The following ADCY1 variants were observed in gnomAD, a reference collection of about 807,000 sequenced individuals.
ADCY1 encodes adenylate cyclase 1.
A neutral mutation model predicts 105.4 loss-of-function variants in ADCY1; 28 were observed. That is an observed-to-expected ratio of 0.27 (90% CI 0.20 to 0.36). The LOEUF (loss-of-function observed/expected upper bound fraction) is 0.36, where lower values mean the gene tolerates loss of function less well. Among genes scored for constraint, ADCY1 ranks in the 10% least tolerant of loss-of-function variants. The pLI is 1.00. For missense variants in ADCY1, 977 were observed against 1,434.2 expected, an observed-to-expected ratio of 0.68 and a Z score of 5.15; for synonymous variants, 655 against 623.8, an observed-to-expected ratio of 1.05 and a Z score of -0.75.
intron 4 of ADCY1, among the ~76,000 whole-genome samples, chr7:45,633,578 C>T (rs866870364): frequency 1.2e-3 from 178 of 152,132 alleles, no homozygotes; most frequent in African/African-American, 4.1e-3. Context: ...CCAAGGCGGG[C>T]GGATCACGAG....
Position 45,575,904 on chromosome 7 carries a change from C to T in ADCY1, c.639+722C>T, listed in dbSNP as rs1009823727. On this transcript the variant is annotated intron_variant, in intron 1 of 19. Transcript: ENST00000297323. The surrounding 1 kb of genome is among the most constrained non-coding windows in gnomAD (Gnocchi z 4.7). ...GGACGGGGACGCTGTCTGCCTCCCG[C>T]GGACTCTTCCTGGGCCCTGGAGGAG... Among the ~76,000 whole-genome samples, 1 of 152,266 alleles carries T rather than the reference C, an allele frequency of 6.6e-6. No homozygotes were observed. The highest frequency in any genetic ancestry group is 2.4e-5 in the African/African-American group (1 of 41,476).
At chr7:45,621,643 C>A (rs1428877209) in intron 3 of ADCY1, among the ~76,000 whole-genome samples, 1 of 152,146 alleles carries the variant, frequency 6.6e-6, no homozygotes, top group Non-Finnish European at 1.5e-5. Context: ...CAATTCTGAA[C>A]CCTACTTCCC....
chr7:45,707,339 ATAT>A (rs1324448194), intron 17 of ADCY1, among the ~76,000 whole-genome samples: 1 of 152,230 alleles, frequency 6.6e-6, no homozygotes, highest in Non-Finnish European at 1.5e-5. Context: ...ATAAGGTAGA[ATAT>A]TATTAAGTGA....
chr7:45,708,400 T>C lies in ADCY1; in HGVS notation c.2868T>C (p.Ile956=). ...TGAGCACGCTGGCGGACTTTGCCAT[T>C]GAGATGTTTGACGTTCTGGATGAAA... ...SHLSTLADFA[I]EMFDVLDEIN... is the part of the protein sequence containing the mutation. The change falls in exon 18 of 20, where the codon ATT becomes ATC. Residue 956 remains isoleucine (I), a synonymous_variant. Transcript: ENST00000297323. This position sits in a 1 kb window ranked among gnomAD's most constrained non-coding sequence, Gnocchi z 4.7. The C allele has an allele frequency of 6.3e-7, 1 of 1,596,906 alleles. No individual in the cohort carries two copies. Among genetic ancestry groups the C allele is most frequent in the Non-Finnish European group, 8.6e-7 (1 of 1,165,484 alleles).
intron 2 of ADCY1, among the ~76,000 whole-genome samples, chr7:45,596,961 G>T (rs1412574159): frequency 6.6e-6 from 1 of 152,144 alleles, no homozygotes; most frequent in Non-Finnish European, 1.5e-5. Flanking sequence ...TCTTCCTGGG[G>T]GATGAATGCA....
At chr7:45,579,997 G>T (rs1170155064) in intron 1 of ADCY1, among the ~76,000 whole-genome samples, 2 of 150,654 alleles carry the variant, frequency 1.3e-5, no homozygotes, top group Middle Eastern at 6.9e-3. Context: ...TCTCGTAGGG[G>T]TGGGTGGTCC....
Position 45,647,468 on chromosome 7 carries a change from A to G in ADCY1, c.1021-1202A>G, listed in dbSNP as rs988561905. ...AAGAAACCAAAGGATCACATTAAAT[A>G]TAAGCCACCGATGTGTTCTCAGAGT... On this transcript the variant is annotated intron_variant, in intron 4 of 19. Coordinates refer to ENST00000297323, the MANE Select transcript of ADCY1 (RefSeq NM_021116.4). This position sits in a 1 kb window ranked among gnomAD's most constrained non-coding sequence, Gnocchi z 4.6. Among the ~76,000 whole-genome samples the G allele has an allele frequency of 6.6e-6, 1 of 152,254 alleles. No homozygotes were observed. Among genetic ancestry groups the G allele is most frequent in the African/African-American group, 2.4e-5 (1 of 41,476 alleles).
At chr7:45,577,127 C>G (rs1792372907) in intron 1 of ADCY1, among the ~76,000 whole-genome samples, 1 of 152,152 alleles carries the variant, frequency 6.6e-6, no homozygotes, top group Non-Finnish European at 1.5e-5. Context: ...TCTTAGGGAG[C>G]AGACATCTGG....
chr7:45,675,550 G>A (rs1361493997), intron 8 of ADCY1, among the ~76,000 whole-genome samples: 1 of 150,940 alleles, frequency 6.6e-6, no homozygotes, highest in Non-Finnish European at 1.5e-5. Flanking sequence ...TCTTCTTTAG[G>A]TTGATTATAA....
chr7:45,599,254 T>C (rs17489793), intron 2 of ADCY1, among the ~76,000 whole-genome samples: 9,623 of 152,080 alleles, frequency 0.063, 309 homozygotes, highest in Non-Finnish European at 0.068. Flanking sequence ...GCATCTCTTC[T>C]GAGGACCGTC....
chr7:45,592,709 G>A (rs749928042), intron 1 of ADCY1, 50 bp from the exon 2 acceptor site: 4 of 1,611,148 alleles, frequency 2.5e-6, no homozygotes, highest in Non-Finnish European at 2.5e-6. Context: ...GGCCCTCTTT[G>A]TGTGTGTGGG....
intron 4 of ADCY1, among the ~76,000 whole-genome samples, chr7:45,638,662 A>G (rs1181947564): frequency 1.3e-5 from 2 of 152,124 alleles, no homozygotes; most frequent in African/African-American, 4.8e-5. Context: ...TTGGACATGC[A>G]GGTGGCCCCT....
intron 3 of ADCY1, 81 bp from the exon 4 acceptor site, chr7:45,622,551 G>A (rs1793931130): frequency 9.2e-6 from 9 of 981,128 alleles, no homozygotes; most frequent in Non-Finnish European, 1.3e-5. Flanking sequence ...GTGATTTGGA[G>A]ATGTAAACAT....
intron 19 of ADCY1, among the ~76,000 whole-genome samples, chr7:45,713,239 A>C (rs376947658): frequency 1.2e-4 from 18 of 152,134 alleles, no homozygotes; most frequent in East Asian, 1.2e-3. Context: ...TAGCATCTGG[A>C]GCTGGGTCCC....
At chr7:45,616,741 C>T (rs1245264806) in intron 3 of ADCY1, among the ~76,000 whole-genome samples, 2 of 152,226 alleles carry the variant, frequency 1.3e-5, no homozygotes, top group East Asian at 1.9e-4. Flanking sequence ...AGCCTTCCCT[C>T]TAAAATCAGG....
intron 8 of ADCY1, among the ~76,000 whole-genome samples, chr7:45,669,495 C>G (rs985344642): frequency 6.6e-6 from 1 of 152,122 alleles, no homozygotes; most frequent in Non-Finnish European, 1.5e-5. Context: ...GTCTGAGAGA[C>G]AGTTTGTTAT....
chr7:45,721,835 C>A lies in ADCY1; in HGVS notation c.*7840C>A. The A allele has an allele frequency of 5.0e-6, 2 of 398,634 alleles. No individual in the cohort carries two copies. Among genetic ancestry groups the A allele is most frequent in the Non-Finnish European group, 8.8e-6 (2 of 226,084 alleles). The allele number at this position is 398,634 out of a possible 1,614,324, so 24.7% of individuals were successfully genotyped here. On this transcript the variant is annotated 3_prime_UTR_variant, in exon 20 of 20. Transcript: ENST00000297323. Reference sequence around the variant, plus strand: ...TGGTTCCTGCTGGTACCGGGCGGTTCAGACCTTCAAATAGGTTGCTTTCAA... The same window carrying A: ...TGGTTCCTGCTGGTACCGGGCGGTTAAGACCTTCAAATAGGTTGCTTTCAA...
At chr7:45,615,323 C>T (rs2115892712) in intron 3 of ADCY1, among the ~76,000 whole-genome samples, 1 of 152,290 alleles carries the variant, frequency 6.6e-6, no homozygotes, top group East Asian at 1.9e-4. Flanking sequence ...CCAGGCTGGG[C>T]ATGGTGGCTG....
At chr7:45,683,338 T>G (rs891579139) in intron 11 of ADCY1, among the ~76,000 whole-genome samples, 1 of 152,118 alleles carries the variant, frequency 6.6e-6, no homozygotes, top group African/African-American at 2.4e-5. Context: ...AGTATATGAC[T>G]ACATCTCACC....
Sources: allele counts gnomAD v4.1 joint callset (sites outside exome capture counted in the v4.1 genomes callset), GRCh38; gene constraint gnomAD v4.1.1; non-coding constraint Gnocchi (gnomAD v3.1); transcripts MANE v1.5; gene names NCBI Gene and HGNC (gene_info 2026-07-23, HGNC 2026-07-21).